RPS6KC1: variants seen among roughly 807,000 people sequenced by gnomAD.
The protein encoded by RPS6KC1 is inactive ribosomal protein S6 kinase delta-1.
RPS6KC1 carries 54 observed loss-of-function variants against 103.8 expected under a neutral mutation model. That is an observed-to-expected ratio of 0.52 (90% confidence interval 0.42 to 0.65). The LOEUF (loss-of-function observed/expected upper bound fraction) is 0.65, where lower values mean the gene tolerates loss of function less well. Ranked by LOEUF, RPS6KC1 falls within the 30% of genes least tolerant of loss-of-function variation. The pLI is 0.00. For missense variants in RPS6KC1, 1,151 were observed against 1,253.8 expected, an observed-to-expected ratio of 0.92 and a Z score of 1.24; for synonymous variants, 439 against 438.7, an observed-to-expected ratio of 1.00 and a Z score of -0.01.
chr1:213,817,111 C>T, the RPS6KC1 span, among the ~76,000 whole-genome samples: 1 of 152,316 alleles, frequency 6.6e-6, no homozygotes, highest in Admixed American at 6.5e-5. Context: ...GGCTGCTCCC[C>T]CAAGAGACTC....
the RPS6KC1 span, among the ~76,000 whole-genome samples, chr1:213,799,893 T>TC: frequency 6.6e-6 from 1 of 152,188 alleles, no homozygotes; most frequent in African/African-American, 2.4e-5. Flanking sequence ...TTCTTTTTTT[T>TC]CCCTCAAAGT....
At chr1:213,216,917 C>T (rs1307978917) in intron 8 of RPS6KC1, among the ~76,000 whole-genome samples, 7 of 151,880 alleles carry the variant, frequency 4.6e-5, no homozygotes, top group African/African-American at 1.7e-4. Context: ...CAAGAGAAAG[C>T]AGGAAAGATC....
the RPS6KC1 span, among the ~76,000 whole-genome samples, chr1:213,617,482 A>G: frequency 1.3e-5 from 2 of 152,218 alleles, no homozygotes; most frequent in African/African-American, 2.4e-5. Context: ...GCTTAGAATT[A>G]TGCTACCTAT....
chr1:213,678,637 T>A, the RPS6KC1 span, among the ~76,000 whole-genome samples: 2 of 152,164 alleles, frequency 1.3e-5, no homozygotes, highest in Admixed American at 6.5e-5. Context: ...CCAGACATAC[T>A]GAGTCAGGGT....
downstream of RPS6KC1, among the ~76,000 whole-genome samples, chr1:213,277,957 A>T (rs140357180): frequency 3.6e-3 from 551 of 152,322 alleles, 4 homozygotes; most frequent in African/African-American, 0.012. Context: ...TAATCCCAGC[A>T]CTTTGAGAGG....
chr1:213,477,423 T>G, the RPS6KC1 span, among the ~76,000 whole-genome samples: 5 of 152,088 alleles, frequency 3.3e-5, no homozygotes, highest in African/African-American at 1.2e-4. Context: ...ATTGTAGTCT[T>G]CTTAGCATTT....
chr1:213,242,400 G>T, intron 11 of RPS6KC1, 103 bp downstream of exon 11: 1 of 1,382,394 alleles, frequency 7.2e-7, no homozygotes. Context: ...CCTGTCTAGA[G>T]CTTCATTATC....
the RPS6KC1 span, among the ~76,000 whole-genome samples, chr1:213,693,233 C>G: frequency 6.6e-6 from 1 of 152,222 alleles, no homozygotes; most frequent in Admixed American, 6.5e-5. Flanking sequence ...TTCCCTCCTT[C>G]TCTCCTCTTG....
chr1:213,430,817 T>A, the RPS6KC1 span, among the ~76,000 whole-genome samples: 1 of 152,270 alleles, frequency 6.6e-6, no homozygotes, highest in African/African-American at 2.4e-5. Flanking sequence ...TGATCAATTT[T>A]ATATTTTCCT....
the RPS6KC1 span, among the ~76,000 whole-genome samples, chr1:213,286,540 G>A: frequency 6.6e-6 from 1 of 152,192 alleles, no homozygotes; most frequent in South Asian, 2.1e-4. Context: ...CACCTTTGGA[G>A]AATTACAGGG....
chr1:213,237,388 A>G (rs952354671), intron 10 of RPS6KC1, among the ~76,000 whole-genome samples: 6 of 152,132 alleles, frequency 3.9e-5, no homozygotes, highest in African/African-American at 1.2e-4. Context: ...AAATAGTTGT[A>G]TATGTAAAAT....
chr1:213,706,450 G>A, the RPS6KC1 span, among the ~76,000 whole-genome samples: 6 of 152,102 alleles, frequency 3.9e-5, no homozygotes, highest in Non-Finnish European at 8.8e-5. Flanking sequence ...GATGAGGGAG[G>A]GGTGGTATCA....
At chr1:213,395,410 ACTG>A in the RPS6KC1 span, among the ~76,000 whole-genome samples, 1 of 152,176 alleles carries the variant, frequency 6.6e-6, no homozygotes, top group Non-Finnish European at 1.5e-5. Context: ...ACCTTCCTGG[ACTG>A]CTGCTACTCT....
chr1:213,809,835 C>T, the RPS6KC1 span, among the ~76,000 whole-genome samples: 8 of 152,290 alleles, frequency 5.3e-5, no homozygotes, highest in South Asian at 6.2e-4. Flanking sequence ...GTCACCCTAT[C>T]GCATTCTCTG....
the RPS6KC1 span, among the ~76,000 whole-genome samples, chr1:213,846,513 T>TA: frequency 6.6e-6 from 1 of 152,316 alleles, no homozygotes; most frequent in East Asian, 1.9e-4. Context: ...AGACCTTAAC[T>TA]AATTAGCTTG....
At chr1:213,347,165 A>G in the RPS6KC1 span, among the ~76,000 whole-genome samples, 1 of 152,312 alleles carries the variant, frequency 6.6e-6, no homozygotes, top group South Asian at 2.1e-4. Context: ...TAGTAAATAT[A>G]CTTCAAAGGA....
At chr1:213,843,003 C>G in the RPS6KC1 span, among the ~76,000 whole-genome samples, 2 of 152,050 alleles carry the variant, frequency 1.3e-5, no homozygotes, top group Non-Finnish European at 2.9e-5. Flanking sequence ...GTGGGGCTGG[C>G]AAATCAGTAG....
At chr1:213,680,020 A>C in the RPS6KC1 span, among the ~76,000 whole-genome samples, 1 of 152,132 alleles carries the variant, frequency 6.6e-6, no homozygotes, top group African/African-American at 2.4e-5. Context: ...AGTGTTCTCG[A>C]AATTTGTTTC....
chr1:213,261,889 A>G (rs148469598), intron 13 of RPS6KC1, among the ~76,000 whole-genome samples: 2 of 152,324 alleles, frequency 1.3e-5, no homozygotes, highest in East Asian at 3.9e-4. Flanking sequence ...AAATATGACT[A>G]AAACTTTTTT....
Sources: allele counts gnomAD v4.1 joint callset (sites outside exome capture counted in the v4.1 genomes callset), GRCh38; gene constraint gnomAD v4.1.1; transcripts MANE v1.5; gene names NCBI Gene and HGNC (gene_info 2026-07-23, HGNC 2026-07-21).